The following PI16 variants were observed in gnomAD, a reference collection of about 807,000 sequenced individuals.
PI16 encodes PSP94-binding protein.
Under a neutral mutation model 38.0 loss-of-function variants are expected in PI16, and 35 were observed. The ratio of observed to expected loss-of-function variants is 0.92; its 90% confidence interval spans 0.70 to 1.22. The LOEUF (loss-of-function observed/expected upper bound fraction) is 1.22. Among genes scored for constraint, PI16 ranks in the 50% most tolerant of loss-of-function variants. The pLI is 0.00. For synonymous variants in PI16, 275 were observed against 252.9 expected (o/e 1.09, Z -0.83); for missense variants, 572 against 593.8 (o/e 0.96, Z 0.38).
In PI16 at chr6:36,963,914, G is replaced by GCCTC; in HGVS notation, c.1364_1367dup (p.Leu457SerfsTer17). ...GCCCTCTCCTGGGACTACTGCTCCT[G>GCCTC]CCTCCTCTGGTGTTGGCTGGAATCT... On this transcript the variant is annotated frameshift_variant, in exon 6 of 7. Transcript: ENST00000373674. LOFTEE classifies it high-confidence loss of function. 3 of 1,613,878 alleles carry GCCTC rather than the reference G, an allele frequency of 1.9e-6. No homozygotes were observed. The highest frequency in any genetic ancestry group is 2.5e-6 in the Non-Finnish European group (3 of 1,179,944).
Position 36,959,199 on chromosome 6 carries a change from T to G in PI16, c.226T>G (p.Trp76Gly). ...CAAGGCCTACGCACGGCAGTGCGTG[T>G]GGGGCCACAACAAGGAGCGCGGGCG... ...FAKAYARQCVWGHNKERGRRG... is the reference protein window; with the variant it reads ...FAKAYARQCVGGHNKERGRRG... The change falls in exon 2 of 7, where the codon TGG (tryptophan) becomes GGG (glycine). Residue 76 changes from tryptophan (W) to glycine (G), a missense_variant. Transcript: ENST00000373674. The G allele has an allele frequency of 6.2e-7, 1 of 1,611,462 alleles. No individual in the cohort carries two copies. The highest frequency in any genetic ancestry group is 2.2e-5 in the East Asian group (1 of 44,816).
At chr6:36,954,161 T>C (rs1763148386), upstream of PI16, among the ~76,000 whole-genome samples, 1 of 152,248 alleles carries the variant, frequency 6.6e-6, no homozygotes, top group African/African-American at 2.4e-5. Context: ...TACTAGGTGC[T>C]TTACATACAT....
chr6:36,963,327 C>A lies in PI16; in HGVS notation c.985C>A (p.Pro329Thr), dbSNP rs1763425681. 1.2e-6 allele frequency: 2 copies of A among 1,614,090 alleles called. No individual in the cohort carries two copies. Among genetic ancestry groups the A allele is most frequent in the African/African-American group, 2.7e-5 (2 of 74,928 alleles). Residue 329 changes from proline (P) to threonine (T), a missense_variant, in exon 5 of 7, where the codon CCC (proline) becomes ACC (threonine). Pro to Thr is a conservative substitution (Grantham distance 38, BLOSUM62 -1). Transcript: ENST00000373674. ...ADKVTDKTKV[P>T]SRSPENSLDP... Reference sequence around the variant, plus strand: ...CAAAGTGACAGACAAAACAAAAGTGCCCTCTAGGAGCCCAGAGAACTCTCT... The same window carrying A: ...CAAAGTGACAGACAAAACAAAAGTGACCTCTAGGAGCCCAGAGAACTCTCT...
At chr6:36,953,276 C>T (rs1388770996), upstream of PI16, among the ~76,000 whole-genome samples, 1 of 149,572 alleles carries the variant, frequency 6.7e-6, no homozygotes, top group Non-Finnish European at 1.5e-5. Flanking sequence ...GCAGAGGTTG[C>T]AGTGAGCCAA....
chr6:36,954,460 A>T, upstream of PI16: 1 of 319,794 alleles, frequency 3.1e-6, no homozygotes, highest in Non-Finnish European at 5.8e-6. Context: ...ACAGCTCTGC[A>T]GAGGTTACTG....
intron 1 of PI16, among the ~76,000 whole-genome samples, chr6:36,955,142 A>G (rs1270322723): frequency 6.6e-6 from 1 of 152,102 alleles, no homozygotes; most frequent in Non-Finnish European, 1.5e-5. Flanking sequence ...GCCTAATAAA[A>G]TTCACAGGCC....
rs1353356689 is a variant in PI16 at position 36,963,820 on chromosome 6, C to T, written c.1271-3C>T. The T allele has an allele frequency of 6.3e-7, 1 of 1,581,614 alleles. No individual in the cohort carries two copies. Among genetic ancestry groups the T allele is most frequent in the Non-Finnish European group, 8.6e-7 (1 of 1,166,956 alleles). On this transcript the variant is annotated splice_polypyrimidine_tract_variant and splice_region_variant and intron_variant, in intron 5 of 6. Transcript: ENST00000373674. ...CTGAGGCAAAGCCTCTTTCTTCCCA[C>T]AGGTGCAGAGGGCCCTGACAAGCCT...
At chr6:36,964,015 T>C in intron 6 of PI16, 53 bp downstream of exon 6, 1 of 1,539,776 alleles carries the variant, frequency 6.5e-7, no homozygotes, top group Non-Finnish European at 8.7e-7. Context: ...ATTGTCTTCC[T>C]CCAAGTGAGA....
rs1763367367 is a variant in PI16, at chr6:36,961,576, A to C, written c.503+16A>C. ...ATGAGCCTCCGTGAGTGCCGGGGGG[A>C]ACCCTGGAGATGGAGAGGGGGAAGG... On this transcript the variant is annotated intron_variant, in intron 3 of 6. Transcript: ENST00000373674. The C allele has an allele frequency of 6.2e-7, 1 of 1,609,578 alleles. No homozygotes were observed.
intron 2 of PI16, among the ~76,000 whole-genome samples, chr6:36,959,610 C>T (rs1317980185): frequency 6.6e-6 from 1 of 152,224 alleles, no homozygotes; most frequent in Non-Finnish European, 1.5e-5. Context: ...CCGTAGCTCA[C>T]CCCTGTAATC....
chr6:36,956,089 C>T (rs913761007), intron 1 of PI16, among the ~76,000 whole-genome samples: 1 of 152,196 alleles, frequency 6.6e-6, no homozygotes, highest in South Asian at 2.1e-4. Flanking sequence ...TCTGGGTGGA[C>T]CCCTTTCCCT....
chr6:36,963,362 G>T lies in PI16; in HGVS notation c.1020G>T (p.Lys340Asn). 1 of 1,614,186 alleles carries T rather than the reference G, an allele frequency of 6.2e-7. No homozygotes were observed. Among genetic ancestry groups the T allele is most frequent in the Non-Finnish European group, 8.5e-7 (1 of 1,180,022 alleles). The change falls in exon 5 of 7, where the codon AAG becomes AAT. Residue 340 changes from lysine (K) to asparagine (N), a missense_variant. Lys to Asn is a moderately conservative substitution (Grantham distance 94). Coordinates refer to ENST00000373674, the MANE Select transcript of PI16 (RefSeq NM_153370.3). ...GCCCAGAGAACTCTCTGGACCCCAAGATGTCCCTGACAGGGGCAAGGGAAC... is the reference window on the plus strand; with the variant it reads ...GCCCAGAGAACTCTCTGGACCCCAATATGTCCCTGACAGGGGCAAGGGAAC... Reference protein sequence around the residue: ...SRSPENSLDPKMSLTGARELL... With the variant: ...SRSPENSLDPNMSLTGARELL...
At position 36,958,145 on chromosome 6, in the gene PI16, C is replaced by G. The variant is rs760672072; in HGVS notation, c.172-1000C>G. 8.1e-4 allele frequency among the ~76,000 whole-genome samples: 123 copies of G among 152,352 alleles called. 1 individual carries two copies. The highest frequency in any genetic ancestry group is 2.1e-4 in the Non-Finnish European group (14 of 68,042). On this transcript the variant is annotated intron_variant, in intron 1 of 6. Coordinates refer to ENST00000373674, the MANE Select transcript of PI16 (RefSeq NM_153370.3). ...TAGGTGTGGCCACACAGCCACCTCC[C>G]CTCAGGGTCACCCAAGCTCTTGGCG...
chr6:36,957,244 T>C (rs1359326823), intron 1 of PI16, among the ~76,000 whole-genome samples: 4 of 152,186 alleles, frequency 2.6e-5, no homozygotes, highest in African/African-American at 9.6e-5. Flanking sequence ...TATTCTTCTG[T>C]CACCTGAACA....
chr6:36,957,832 C>T (rs1040375439), intron 1 of PI16, among the ~76,000 whole-genome samples: 3 of 152,330 alleles, frequency 2.0e-5, no homozygotes, highest in East Asian at 3.9e-4. Flanking sequence ...GCGCCAGACA[C>T]TGGGGATCCA....
chr6:36,951,234 G>C (rs1272938661), upstream of PI16, among the ~76,000 whole-genome samples: 2 of 152,094 alleles, frequency 1.3e-5, no homozygotes, highest in African/African-American at 2.4e-5. Flanking sequence ...CAAGTCCTTT[G>C]CCTATTTAAT....
At chr6:36,957,867 T>TAA (rs1260027596) in intron 1 of PI16, among the ~76,000 whole-genome samples, 2 of 152,194 alleles carry the variant, frequency 1.3e-5, no homozygotes, top group Middle Eastern at 3.2e-3. Flanking sequence ...TGATGGCACT[T>TAA]ACAGTCCAGC....
At chr6:36,958,406 T>A (rs1379696721) in intron 1 of PI16, among the ~76,000 whole-genome samples, 1 of 152,156 alleles carries the variant, frequency 6.6e-6, no homozygotes, top group East Asian at 1.9e-4. Context: ...ATTCCCCCTC[T>A]CACCATCTCA....
intron 2 of PI16, 91 bp downstream of exon 2, chr6:36,959,457 C>T (rs964273744): frequency 1.5e-6 from 2 of 1,293,148 alleles, no homozygotes; most frequent in Middle Eastern, 2.7e-4. Context: ...TGCCTTCACC[C>T]CTCCTAAGCG....
Sources: allele counts gnomAD v4.1 joint callset (sites outside exome capture counted in the v4.1 genomes callset), GRCh38; gene constraint gnomAD v4.1.1; transcripts MANE v1.5; gene names NCBI Gene and HGNC (gene_info 2026-07-23, HGNC 2026-07-21).